INVS: variants seen among roughly 807,000 people sequenced by gnomAD.
INVS encodes inversin, also known as inversion of embryo turning homolog.
A neutral mutation model predicts 108.8 loss-of-function variants in INVS; 86 were observed. The observed-to-expected ratio is 0.79, with a 90% CI of 0.66 to 0.95. The LOEUF (loss-of-function observed/expected upper bound fraction) is 0.95. Among genes scored for constraint, INVS ranks in the 40% least tolerant of loss-of-function variants. The pLI is 0.00. For missense variants in INVS, 1,169 were observed against 1,297.4 expected, an observed-to-expected ratio of 0.90 and a Z score of 1.52; for synonymous variants, 455 against 473.5, an observed-to-expected ratio of 0.96 and a Z score of 0.51.
chr9:100,105,777 C>T (rs527696327), intron 2 of INVS, among the ~76,000 whole-genome samples: 3 of 149,812 alleles, frequency 2.0e-5, no homozygotes, highest in Admixed American at 6.7e-5. Flanking sequence ...AGTTTTCCTT[C>T]TGTCTTTTCC....
intron 3 of INVS, among the ~76,000 whole-genome samples, chr9:100,173,218 A>G (rs918304193): frequency 6.6e-6 from 1 of 152,166 alleles, no homozygotes; most frequent in African/African-American, 2.4e-5. Context: ...TATAAAAACA[A>G]CTATCTGGAG....
intron 3 of INVS, among the ~76,000 whole-genome samples, chr9:100,211,304 G>A (rs1433585459): frequency 2.6e-5 from 4 of 152,100 alleles, no homozygotes; most frequent in African/African-American, 9.7e-5. Context: ...GTGGAAATAA[G>A]CATCCCAGCA....
At chr9:100,199,324 G>A (rs938727916) in intron 3 of INVS, among the ~76,000 whole-genome samples, 6 of 151,836 alleles carry the variant, frequency 4.0e-5, no homozygotes, top group African/African-American at 1.5e-4. Flanking sequence ...TTTTTATCTA[G>A]TCTGACAATA....
chr9:100,198,864 T>C (rs921470148), intron 3 of INVS, among the ~76,000 whole-genome samples: 4 of 152,198 alleles, frequency 2.6e-5, no homozygotes, highest in African/African-American at 9.6e-5. Flanking sequence ...GTGCTGGGAT[T>C]ACAGGTGTGA....
At position 100,246,579 on chromosome 9, in the gene INVS, G is replaced by T. The variant is rs775236456; in HGVS notation, c.907-37G>T. ...CTTTATTACCACAGAAAATACTACT[G>T]TTTTGTCTCCATTTTTTAAATCAAG... On this transcript the variant is annotated intron_variant, in intron 7 of 16. Transcript: ENST00000262457. The T allele has an allele frequency of 4.4e-5, 66 of 1,507,266 alleles. No individual in the cohort carries two copies. In the African/African-American group the frequency reaches 8.5e-4, roughly 19 times the overall value. 93.4% of individuals were successfully genotyped at this position (1,507,266 alleles called of 1,614,324 possible).
At chr9:100,219,239 G>T (rs576707090) in intron 3 of INVS, among the ~76,000 whole-genome samples, 2 of 151,976 alleles carry the variant, frequency 1.3e-5, no homozygotes, top group Non-Finnish European at 2.9e-5. Flanking sequence ...ACACAAGAAG[G>T]CTATTTACAA....
intron 2 of INVS, among the ~76,000 whole-genome samples, chr9:100,121,412 A>G (rs62578280): frequency 6.6e-6 from 1 of 152,316 alleles, no homozygotes; most frequent in Admixed American, 6.5e-5. Context: ...GAATTATCCT[A>G]CCACAAGTAC....
At chr9:100,100,911 ATTATATGT>A (rs1826923010) in intron 1 of INVS, among the ~76,000 whole-genome samples, 8 of 46,220 alleles carry the variant, frequency 1.7e-4, no homozygotes, top group African/African-American at 8.9e-4. Flanking sequence ...ATGTATATAT[ATTATATGT>A]ATATATATAA....
At position 100,272,552 on chromosome 9, in the gene INVS, T is replaced by A. The variant is rs561670250; in HGVS notation, c.1572-312T>A. On this transcript the variant is annotated intron_variant, in intron 11 of 16. Transcript: ENST00000262457. ...CCTTTTTAGATGGGGCAGGGAATTA[T>A]TTGGCACATGGGAAAGAAGAGAAGT... is the stretch of plus-strand genomic sequence containing the variant. Among the ~76,000 whole-genome samples, 18 of 152,344 alleles carry A rather than the reference T, an allele frequency of 1.2e-4. No homozygotes were observed. The East Asian group carries it at 1.5e-3, about 13-fold the overall frequency.
At chr9:100,279,283 C>T (rs924013755) in intron 12 of INVS, among the ~76,000 whole-genome samples, 1 of 152,090 alleles carries the variant, frequency 6.6e-6, no homozygotes, top group African/African-American at 2.4e-5. Flanking sequence ...TGCCTGAAGT[C>T]ACACAGCTAG....
intron 3 of INVS, among the ~76,000 whole-genome samples, chr9:100,156,452 G>C (rs1588046256): frequency 1.3e-5 from 2 of 151,774 alleles, no homozygotes; most frequent in East Asian, 3.9e-4. Flanking sequence ...TGGTAGAGAT[G>C]GGGTTTTGCC....
chr9:100,251,190 G>A (rs979962916), intron 8 of INVS, among the ~76,000 whole-genome samples: 4 of 151,826 alleles, frequency 2.6e-5, no homozygotes, highest in African/African-American at 9.7e-5. Context: ...TTTTTGTTTT[G>A]TTTTGCTTCC....
At chr9:100,243,263 T>G (rs1311506479) in intron 7 of INVS, among the ~76,000 whole-genome samples, 1 of 152,232 alleles carries the variant, frequency 6.6e-6, no homozygotes, top group Admixed American at 6.5e-5. Context: ...TGCAGTTTGC[T>G]AAACTGTATT....
At position 100,155,484 on chromosome 9, in the gene INVS, G is replaced by A. The variant is rs148218508; in HGVS notation, c.273+28935G>A. Among the ~76,000 whole-genome samples the A allele has an allele frequency of 2.1e-3, 312 of 152,090 alleles. 1 individual carries two copies. The highest frequency in any genetic ancestry group is 7.1e-3 in the African/African-American group (296 of 41,512). On this transcript the variant is annotated intron_variant, in intron 3 of 16. Transcript: ENST00000262457. ...CCCTAGTAGCTGGGATTACAGGCACGCACCACCATGCCCAGCTAATTTTTT... is the reference window on the plus strand; with the variant it reads ...CCCTAGTAGCTGGGATTACAGGCACACACCACCATGCCCAGCTAATTTTTT...
intron 5 of INVS, among the ~76,000 whole-genome samples, chr9:100,233,165 C>G (rs1831566821): frequency 6.6e-6 from 1 of 152,086 alleles, no homozygotes; most frequent in African/African-American, 2.4e-5. Context: ...ATGATTTGCT[C>G]TTTGTTTTTC....
intron 10 of INVS, among the ~76,000 whole-genome samples, chr9:100,261,359 G>C (rs1258642773): frequency 6.7e-6 from 1 of 149,706 alleles, no homozygotes; most frequent in East Asian, 2.0e-4. Context: ...TCCACCTCCC[G>C]GGTTCGCGCC....
At chr9:100,236,576 G>A (rs919966261) in intron 5 of INVS, among the ~76,000 whole-genome samples, 5 of 152,114 alleles carry the variant, frequency 3.3e-5, no homozygotes. Flanking sequence ...TGATATTATT[G>A]CTTTCTGTTT....
chr9:100,151,379 T>C (rs1828803033), intron 3 of INVS, among the ~76,000 whole-genome samples: 1 of 152,058 alleles, frequency 6.6e-6, no homozygotes, highest in African/African-American at 2.4e-5. Context: ...CTCAGGAGGC[T>C]GAGATGGGAG....
rs1210262329 is a variant in INVS, at chr9:100,300,716, C to G, written c.*42C>G. The stretch of plus-strand genomic sequence containing the variant: ...ACTGTGTTCGGGGGAGCTGGCATAG[C>G]TAGTGCAGAGTTCAGATTTTCTGCT... On this transcript the variant is annotated 3_prime_UTR_variant, in exon 17 of 17. Coordinates refer to ENST00000262457, the MANE Select transcript of INVS (RefSeq NM_014425.5). The G allele has an allele frequency of 5.1e-6, 7 of 1,362,914 alleles. No homozygotes were observed. The highest frequency in any genetic ancestry group is 6.3e-6 in the Non-Finnish European group (6 of 955,442). 84.4% of individuals were successfully genotyped at this position (1,362,914 alleles called of 1,614,324 possible).
Sources: allele counts gnomAD v4.1 joint callset (sites outside exome capture counted in the v4.1 genomes callset), GRCh38; gene constraint gnomAD v4.1.1; transcripts MANE v1.5; gene names NCBI Gene and HGNC (gene_info 2026-07-23, HGNC 2026-07-21).